The following CRIM1 variants were observed in gnomAD, a reference collection of about 807,000 sequenced individuals.
CRIM1 encodes the protein cysteine rich transmembrane BMP regulator 1.
In CRIM1, 32 loss-of-function variants were observed where a neutral mutation model predicts 116.4. That is an observed-to-expected ratio of 0.27 (90% CI 0.21 to 0.37). The LOEUF (loss-of-function observed/expected upper bound fraction) is 0.37, where lower values mean the gene tolerates loss of function less well. Among genes scored for constraint, CRIM1 ranks in the 10% least tolerant of loss-of-function variants. The pLI, the probability that CRIM1 is intolerant of heterozygous loss-of-function variation, is 1.00. For synonymous variants in CRIM1, 590 were observed against 509.2 expected (o/e 1.16, Z -2.13); for missense variants, 1,331 against 1,354.8 (o/e 0.98, Z 0.28).
chr2:36,546,845 A>T, intron 15 of CRIM1, 139 bp from the exon 16 acceptor site: 1 of 511,316 alleles, frequency 2.0e-6, no homozygotes, highest in South Asian at 2.4e-5. Flanking sequence ...GATCAACATT[A>T]GATTTTAATC....
chr2:36,376,867 T>C (rs1206755543), intron 1 of CRIM1, among the ~76,000 whole-genome samples: 1 of 152,240 alleles, frequency 6.6e-6, no homozygotes, highest in Admixed American at 6.5e-5. Context: ...ATGTAAATAC[T>C]GCAAGCTTAT....
Position 36,548,662 on chromosome 2 carries a change from G to A in CRIM1, c.3072G>A (p.Gln1024=), listed in dbSNP as rs1460846484. 5 of 1,607,600 alleles carry A rather than the reference G, an allele frequency of 3.1e-6. No individual in the cohort carries two copies. Among genetic ancestry groups the A allele is most frequent in the Non-Finnish European group, 4.2e-6 (5 of 1,178,072 alleles). Residue 1024 remains glutamine (Q), a synonymous_variant, in exon 17 of 17, where the codon CAG becomes CAA. Transcript: ENST00000280527. The part of the protein sequence containing the change: ...RFSGFYSMQK[Q]NHLQADNFYQ... ...GTGGCTTCTACAGCATGCAAAAACA[G>A]AACCATCTACAGGCAGACAATTTCT...
intron 4 of CRIM1, among the ~76,000 whole-genome samples, chr2:36,453,227 A>C (rs1168987716): frequency 6.6e-6 from 1 of 152,262 alleles, no homozygotes; most frequent in East Asian, 1.9e-4. Context: ...ATTAGAACCC[A>C]GGAGGTAGAG....
At chr2:36,398,424 T>G (rs1672189174) in intron 2 of CRIM1, among the ~76,000 whole-genome samples, 1 of 152,162 alleles carries the variant, frequency 6.6e-6, no homozygotes, top group Non-Finnish European at 1.5e-5. Flanking sequence ...TCACATAAAA[T>G]TAGGACAATT....
intron 15 of CRIM1, among the ~76,000 whole-genome samples, chr2:36,545,961 T>C (rs1333923960): frequency 6.6e-6 from 1 of 152,172 alleles, no homozygotes; most frequent in Non-Finnish European, 1.5e-5. Flanking sequence ...CTGGCTAAAA[T>C]GATTAGGAAT....
chr2:36,361,779 A>C (rs1486599228), intron 1 of CRIM1, among the ~76,000 whole-genome samples: 2 of 152,174 alleles, frequency 1.3e-5, no homozygotes, highest in Non-Finnish European at 2.9e-5. Context: ...AGGGAAATAC[A>C]TTTAGTGAAG....
intron 1 of CRIM1, among the ~76,000 whole-genome samples, chr2:36,386,332 A>G (rs1671166352): frequency 6.6e-6 from 1 of 152,194 alleles, no homozygotes; most frequent in African/African-American, 2.4e-5. Context: ...TGGTTGAGGC[A>G]TATTATATTC....
intron 4 of CRIM1, among the ~76,000 whole-genome samples, chr2:36,459,259 A>G (rs1274926240): frequency 1.3e-5 from 2 of 152,136 alleles, no homozygotes; most frequent in South Asian, 2.1e-4. Context: ...CAGAAAAACA[A>G]TGTTTGAGTG....
intron 5 of CRIM1, among the ~76,000 whole-genome samples, chr2:36,475,988 T>C (rs562044764): frequency 1.3e-5 from 2 of 152,186 alleles, no homozygotes; most frequent in South Asian, 4.2e-4. Flanking sequence ...TAGTAATTTT[T>C]TTTAAGATTT....
chr2:36,450,827 A>C (rs1676657606), intron 4 of CRIM1, among the ~76,000 whole-genome samples: 1 of 152,218 alleles, frequency 6.6e-6, no homozygotes. Flanking sequence ...CTCTCAAGAA[A>C]ATTCATTTTG....
At chr2:36,487,092 T>G (rs1040863790) in intron 7 of CRIM1, among the ~76,000 whole-genome samples, 1 of 152,230 alleles carries the variant, frequency 6.6e-6, no homozygotes, top group African/African-American at 2.4e-5. Context: ...TTTTAATTAG[T>G]AATCATACTG....
intron 2 of CRIM1, among the ~76,000 whole-genome samples, chr2:36,419,077 A>G (rs541944636): frequency 3.9e-5 from 6 of 152,332 alleles, no homozygotes; most frequent in Admixed American, 3.9e-4. Flanking sequence ...GGAATTTGCT[A>G]ATTAAATGCT....
chr2:36,433,386 C>T (rs1029256632), intron 2 of CRIM1, among the ~76,000 whole-genome samples: 2 of 152,086 alleles, frequency 1.3e-5, no homozygotes, highest in African/African-American at 2.4e-5. Context: ...ACGGTGGGGC[C>T]GATATATGCC....
At chr2:36,474,184 A>T (rs896527048) in intron 5 of CRIM1, among the ~76,000 whole-genome samples, 2 of 151,906 alleles carry the variant, frequency 1.3e-5, no homozygotes, top group African/African-American at 4.8e-5. Context: ...TTTTGATTAG[A>T]TTATTTTTAT....
intron 8 of CRIM1, among the ~76,000 whole-genome samples, chr2:36,503,422 C>T (rs1468632114): frequency 7.2e-6 from 1 of 139,592 alleles, no homozygotes. Context: ...TGAATGAATG[C>T]AAAGCTAACT....
rs548416741 is a variant in CRIM1, at chr2:36,495,874, ATAGG to A, written c.1373-3341_1373-3338del. Among the ~76,000 whole-genome samples the A allele has an allele frequency of 2.4e-3, 369 of 152,286 alleles. 1 individual carries two copies. The highest frequency in any genetic ancestry group is 8.2e-3 in the African/African-American group (341 of 41,564). On this transcript the variant is annotated intron_variant, in intron 7 of 16. Transcript: ENST00000280527. Reference sequence around the variant, plus strand: ...AGATTTTTTTCTAGATAATTCATAAATAGGTAGATAGTCTATATACTTACCGGTC... The same window carrying A: ...AGATTTTTTTCTAGATAATTCATAAATAGATAGTCTATATACTTACCGGTC...
At chr2:36,382,674 T>C (rs1354599435) in intron 1 of CRIM1, among the ~76,000 whole-genome samples, 2 of 152,206 alleles carry the variant, frequency 1.3e-5, no homozygotes, top group African/African-American at 4.8e-5. Context: ...AGTGTGATGC[T>C]CCAGGCAGTG....
intron 13 of CRIM1, chr2:36,529,271 A>T: frequency 4.3e-6 from 2 of 462,090 alleles, no homozygotes; most frequent in South Asian, 1.6e-5. Flanking sequence ...TCTTAACAGG[A>T]CTTGGACTGT....
chr2:36,524,722 G>A (rs1665638119), intron 13 of CRIM1, among the ~76,000 whole-genome samples: 1 of 152,152 alleles, frequency 6.6e-6, no homozygotes, highest in African/African-American at 2.4e-5. Context: ...TCATGTGATA[G>A]TAGATAATCA....
Sources: gnomAD v4.1 joint callset for allele counts (sites outside exome capture counted in the v4.1 genomes callset) on GRCh38, gnomAD v4.1.1 for gene constraint, MANE v1.5 for transcripts, NCBI Gene and HGNC (gene_info 2026-07-23, HGNC 2026-07-21) for gene names.